Variants in EFHD2 observed in about 807,000 individuals in gnomAD.
The protein encoded by EFHD2 is EF-hand domain family member D2, also known as EF-hand domain-containing protein D2.
In EFHD2, 12 loss-of-function variants were observed where a neutral mutation model predicts 20.3. The ratio of observed to expected loss-of-function variants is 0.59; its 90% confidence interval spans 0.38 to 0.96. The LOEUF is 0.96. Among genes scored for constraint, EFHD2 ranks in the 40% least tolerant of loss-of-function variants. The pLI is 0.00. For missense variants in EFHD2, 250 were observed against 334.3 expected (o/e 0.75, Z 1.97); for synonymous variants, 131 against 143.9 (o/e 0.91, Z 0.64).
rs200307525 is a variant in EFHD2, at chr1:15,427,332, C to A, written c.591+48C>A. ...TGACCCACGCTCCAGGACAAGGGGA[C>A]CCTGGGTTGGTGCGAAGTTAATAGG... On this transcript the variant is annotated intron_variant, in intron 3 of 3. Coordinates refer to ENST00000375980, the MANE Select transcript of EFHD2 (RefSeq NM_024329.6). 1.9e-6 allele frequency: 3 copies of A among 1,572,340 alleles called. No individual in the cohort carries two copies. The East Asian group carries it at 6.9e-5, about 36-fold the overall frequency.
At chr1:15,423,755 G>C (rs1219855844) in intron 1 of EFHD2, among the ~76,000 whole-genome samples, 1 of 152,184 alleles carries the variant, frequency 6.6e-6, no homozygotes, top group Non-Finnish European at 1.5e-5. Context: ...GTGCAGAAAT[G>C]AGACATATTC....
intron 1 of EFHD2, among the ~76,000 whole-genome samples, chr1:15,421,933 C>A (rs943326826): frequency 3.9e-5 from 6 of 152,184 alleles, no homozygotes; most frequent in East Asian, 1.9e-4. Context: ...GTGGTGACTG[C>A]CATTTATGCA....
At position 15,409,940 on chromosome 1, in the gene EFHD2, GC is replaced by G; in HGVS notation, c.-29del. ...CGGCGGCGCTGCGCTGAGAGCAGGG[GC>G]CCGGCCAAGGCGAGTGCCGCGCGGG... is the stretch of plus-strand genomic sequence containing the variant. On this transcript the variant is annotated 5_prime_UTR_variant, in exon 1 of 4. Transcript: ENST00000375980. The G allele has an allele frequency of 8.2e-7, 1 of 1,221,340 alleles. No individual in the cohort carries two copies. Among genetic ancestry groups the G allele is most frequent in the East Asian group, 3.5e-5 (1 of 28,766 alleles). 75.7% of individuals were successfully genotyped at this position (1,221,340 alleles called of 1,614,324 possible).
intron 1 of EFHD2, among the ~76,000 whole-genome samples, chr1:15,417,589 A>G (rs1707695216): frequency 6.6e-6 from 1 of 151,680 alleles, no homozygotes; most frequent in Non-Finnish European, 1.5e-5. Flanking sequence ...TTCTCCCCCA[A>G]CCCCATACCC....
chr1:15,426,887 C>T lies in EFHD2; in HGVS notation c.457-263C>T, dbSNP rs1288633788. Among the ~76,000 whole-genome samples the T allele has an allele frequency of 6.6e-6, 1 of 152,156 alleles. No homozygotes were observed. Among genetic ancestry groups the T allele is most frequent in the African/African-American group, 2.4e-5 (1 of 41,434 alleles). ...GGTAAGAGGTAGGCTGAGGCCGTGT[C>T]GTCGGGAGCTGGTGTGGGCGGGTCA... On this transcript the variant is annotated intron_variant, in intron 2 of 3. Transcript: ENST00000375980. This position sits in a 1 kb window ranked among gnomAD's most constrained non-coding sequence, Gnocchi z 4.6.
intron 3 of EFHD2, among the ~76,000 whole-genome samples, chr1:15,428,243 A>G (rs1445993811): frequency 6.6e-6 from 1 of 152,208 alleles, no homozygotes; most frequent in Non-Finnish European, 1.5e-5. Context: ...CTGTCATCCC[A>G]GCACTTTGGG....
chr1:15,409,919 G>T lies in EFHD2; in HGVS notation c.-53G>T, dbSNP rs984538826. 8.3e-7 allele frequency: 1 copy of T among 1,199,266 alleles called. No individual in the cohort carries two copies. 74.3% of individuals were successfully genotyped at this position (1,199,266 alleles called of 1,614,324 possible). A position where few individuals can be genotyped will look rare whatever the true frequency, so the allele number is the denominator to read the frequency against. On this transcript the variant is annotated 5_prime_UTR_variant, in exon 1 of 4. Coordinates refer to ENST00000375980, the MANE Select transcript of EFHD2 (RefSeq NM_024329.6). Reference sequence around the variant, plus strand: ...CAGGAAGAGGAAGAGCGCGGCCGGCGGCGCTGCGCTGAGAGCAGGGGCCCG... The same window carrying T: ...CAGGAAGAGGAAGAGCGCGGCCGGCTGCGCTGCGCTGAGAGCAGGGGCCCG...
At position 15,427,286 on chromosome 1, in the gene EFHD2, T is replaced by C; in HGVS notation, c.591+2T>C. 6.2e-7 allele frequency: 1 copy of C among 1,604,476 alleles called. No homozygotes were observed. Among genetic ancestry groups the C allele is most frequent in the Non-Finnish European group, 8.5e-7 (1 of 1,176,172 alleles). On this transcript the variant is annotated splice_donor_variant, in intron 3 of 3. Coordinates refer to ENST00000375980, the MANE Select transcript of EFHD2 (RefSeq NM_024329.6). LOFTEE classifies it high-confidence loss of function. ...GCCAAGAGCTTCTTTGAGGCCAAGG[T>C]GAGGAGCCCAAGGGGTGCCCTGACC...
At chr1:15,420,060 C>T (rs1246355912) in intron 1 of EFHD2, among the ~76,000 whole-genome samples, 1 of 152,184 alleles carries the variant, frequency 6.6e-6, no homozygotes, top group Non-Finnish European at 1.5e-5. Context: ...TCATCATGTC[C>T]ACCCCTGCCT....
chr1:15,411,964 C>T (rs964388733), intron 1 of EFHD2, among the ~76,000 whole-genome samples: 5 of 152,102 alleles, frequency 3.3e-5, no homozygotes, highest in African/African-American at 4.8e-5. Context: ...TTTCTGGTTC[C>T]CAGTTGCGGG....
intron 1 of EFHD2, among the ~76,000 whole-genome samples, chr1:15,416,748 G>A (rs541832341): frequency 8.6e-5 from 13 of 151,420 alleles, no homozygotes; most frequent in Non-Finnish European, 1.6e-4. Flanking sequence ...CAGCTTCACC[G>A]CCCGGGAGTA....
chr1:15,421,394 C>T (rs1170464538), intron 1 of EFHD2, among the ~76,000 whole-genome samples: 1 of 152,150 alleles, frequency 6.6e-6, no homozygotes, highest in Non-Finnish European at 1.5e-5. Context: ...GCTTCACCGC[C>T]CACCCCAGCA....
intron 1 of EFHD2, among the ~76,000 whole-genome samples, chr1:15,423,860 G>T (rs935598508): frequency 2.0e-5 from 3 of 152,150 alleles, no homozygotes; most frequent in Non-Finnish European, 4.4e-5. Flanking sequence ...CCAGTTCAAG[G>T]CCTGGGGGAC....
rs1161161668 is a variant in EFHD2 at position 15,409,948 on chromosome 1, A to G, written c.-24A>G. On this transcript the variant is annotated 5_prime_UTR_variant, in exon 1 of 4. Transcript: ENST00000375980. ...CTGCGCTGAGAGCAGGGGCCCGGCC[A>G]AGGCGAGTGCCGCGCGGGCCACCAT... 2 of 1,225,794 alleles carry G rather than the reference A, an allele frequency of 1.6e-6. No individual in the cohort carries two copies. Among genetic ancestry groups the G allele is most frequent in the African/African-American group, 3.2e-5 (2 of 63,122 alleles). The allele number at this position is 1,225,794 out of a possible 1,614,324, so 75.9% of individuals were successfully genotyped here.
intron 1 of EFHD2, among the ~76,000 whole-genome samples, chr1:15,417,732 A>AG (rs1364158383): frequency 6.6e-6 from 1 of 152,178 alleles, no homozygotes; most frequent in Non-Finnish European, 1.5e-5. Flanking sequence ...TGGGGAAGCC[A>AG]GGGGGGCCTG....
At chr1:15,420,344 GTGTT>G (rs779089191) in intron 1 of EFHD2, among the ~76,000 whole-genome samples, 1 of 151,764 alleles carries the variant, frequency 6.6e-6, no homozygotes, top group Non-Finnish European at 1.5e-5. Flanking sequence ...TTTCTTTTTT[GTGTT>G]TGTTTGTCTT....
chr1:15,423,143 G>A (rs766384596), intron 1 of EFHD2, among the ~76,000 whole-genome samples: 19 of 152,158 alleles, frequency 1.2e-4, no homozygotes, highest in Non-Finnish European at 2.6e-4. Context: ...AGGCGCCTCC[G>A]CTGTGCCCCC....
At chr1:15,414,455 C>T (rs770308663) in intron 1 of EFHD2, among the ~76,000 whole-genome samples, 7 of 152,388 alleles carry the variant, frequency 4.6e-5, no homozygotes, top group Middle Eastern at 3.4e-3. Flanking sequence ...GCTGGAACAG[C>T]GGGGACAGGG....
rs748966217 is a variant in EFHD2 at position 15,413,193 on chromosome 1, G to C, written c.308+2914G>C. 1.3e-4 allele frequency among the ~76,000 whole-genome samples: 20 copies of C among 152,154 alleles called. No homozygotes were observed. The highest frequency in any genetic ancestry group is 2.5e-4 in the Non-Finnish European group (17 of 68,022). On this transcript the variant is annotated intron_variant, in intron 1 of 3. Transcript: ENST00000375980. The surrounding 1 kb of genome is among the most constrained non-coding windows in gnomAD (Gnocchi z 4.4). ...CCAGGGCATCAGAGCCAGGGCTCTG[G>C]GGAGAGCAGAGGGCAGAGAGGAGGG...
Sources: allele counts gnomAD v4.1 joint callset (sites outside exome capture counted in the v4.1 genomes callset), GRCh38; gene constraint gnomAD v4.1.1; non-coding constraint Gnocchi (gnomAD v3.1); transcripts MANE v1.5; gene names NCBI Gene and HGNC (gene_info 2026-07-23, HGNC 2026-07-21).